IGF1R: variants seen among roughly 807,000 people sequenced by gnomAD.
IGF1R encodes the protein insulin like growth factor 1 receptor.
A neutral mutation model predicts 144.6 loss-of-function variants in IGF1R; 44 were observed. The observed-to-expected ratio is 0.30, with a 90% CI of 0.24 to 0.39. The LOEUF is 0.39. IGF1R is among the 10% of genes least tolerant of loss of function. IGF1R has a pLI of 1.00. For missense variants in IGF1R, 1,355 were observed against 1,833.7 expected, an observed-to-expected ratio of 0.74 and a Z score of 4.77; for synonymous variants, 795 against 722.8, an observed-to-expected ratio of 1.10 and a Z score of -1.60.
At chr15:98,809,787 CT>C (rs2056545693) in intron 2 of IGF1R, among the ~76,000 whole-genome samples, 1 of 152,122 alleles carries the variant, frequency 6.6e-6, no homozygotes. Flanking sequence ...GACACAGCTG[CT>C]TTGGAGGAAC....
intron 2 of IGF1R, among the ~76,000 whole-genome samples, chr15:98,862,921 C>T (rs777797725): frequency 1.3e-5 from 2 of 152,164 alleles, no homozygotes; most frequent in Non-Finnish European, 1.5e-5. Flanking sequence ...AACCGTAATA[C>T]GGTTATCAAA....
chr15:98,933,196 G>A (rs111688543), intron 15 of IGF1R, among the ~76,000 whole-genome samples: 3 of 152,330 alleles, frequency 2.0e-5, no homozygotes, highest in Non-Finnish European at 4.4e-5. Context: ...GGATCTTATG[G>A]AACAGGTTGA....
At chr15:98,682,652 A>G (rs536448668) in intron 1 of IGF1R, among the ~76,000 whole-genome samples, 95 of 152,128 alleles carry the variant, frequency 6.2e-4, no homozygotes, top group South Asian at 3.7e-3. Flanking sequence ...AGTTCCAGCA[A>G]TTCTCCTGCC....
intron 2 of IGF1R, among the ~76,000 whole-genome samples, chr15:98,890,921 G>A (rs943989100): frequency 6.6e-6 from 1 of 152,232 alleles, no homozygotes; most frequent in Non-Finnish European, 1.5e-5. Context: ...AAAGTGAGCA[G>A]AGCACAATGC....
intron 1 of IGF1R, among the ~76,000 whole-genome samples, chr15:98,649,912 C>T (rs2141155931): frequency 1.3e-5 from 2 of 152,292 alleles, no homozygotes; most frequent in East Asian, 1.9e-4. Flanking sequence ...GCGGGAAGGG[C>T]TTTTCTCTTT....
chr15:98,719,129 A>G (rs2054188910), intron 2 of IGF1R, among the ~76,000 whole-genome samples: 1 of 152,222 alleles, frequency 6.6e-6, no homozygotes, highest in Admixed American at 6.5e-5. Flanking sequence ...ATACGTCGAT[A>G]CTACTTTTAG....
intron 1 of IGF1R, among the ~76,000 whole-genome samples, chr15:98,662,567 T>C (rs1165110251): frequency 6.6e-6 from 1 of 151,944 alleles, no homozygotes; most frequent in Non-Finnish European, 1.5e-5. Flanking sequence ...TGAAAGAATA[T>C]GATTTTTTTT....
intron 1 of IGF1R, among the ~76,000 whole-genome samples, chr15:98,658,060 A>G (rs891851005): frequency 6.6e-6 from 1 of 152,180 alleles, no homozygotes; most frequent in Non-Finnish European, 1.5e-5. Flanking sequence ...GATCAAGTCC[A>G]GGGTCCTTAG....
intron 13 of IGF1R, among the ~76,000 whole-genome samples, chr15:98,925,956 C>A (rs1295560510): frequency 6.6e-6 from 1 of 152,156 alleles, no homozygotes; most frequent in African/African-American, 2.4e-5. Context: ...CCAGCAATCT[C>A]ACTTCTAGTA....
chr15:98,945,019 C>T (rs557716837), intron 19 of IGF1R, among the ~76,000 whole-genome samples: 7 of 152,330 alleles, frequency 4.6e-5, no homozygotes, highest in African/African-American at 1.4e-4. Flanking sequence ...TGCTGTCTTC[C>T]AGGACTTCAT....
In IGF1R at chr15:98,959,785, C is replaced by T. The variant is rs182632804; in HGVS notation, c.*2343C>T. ...TTCAACACAGAAAAGAAAGTTTATA[C>T]GGCTTTTTTGCTGGTCAGCAGTTTG... On this transcript the variant is annotated 3_prime_UTR_variant, in exon 21 of 21. Transcript: ENST00000650285. 91 of 232,716 alleles carry T rather than the reference C, an allele frequency of 3.9e-4. 1 individual carries two copies. In the East Asian group the frequency reaches 4.1e-3, roughly 11 times the overall value. The allele number at this position is 232,716 out of a possible 1,614,324, so 14.4% of individuals were successfully genotyped here.
intron 18 of IGF1R, among the ~76,000 whole-genome samples, chr15:98,941,381 C>T (rs754767845): frequency 5.9e-5 from 9 of 152,172 alleles, no homozygotes; most frequent in Non-Finnish European, 1.3e-4. Context: ...TGCCAATTGC[C>T]ATTTTAAATC....
chr15:98,788,056 C>CTGTG (rs1218256852), intron 2 of IGF1R, among the ~76,000 whole-genome samples: 423 of 106,430 alleles, frequency 4.0e-3, no homozygotes, highest in Middle Eastern at 9.2e-3. Flanking sequence ...CTCTCTCTCT[C>CTGTG]TCTCTCTGTG....
chr15:98,768,583 C>T (rs1258068430), intron 2 of IGF1R, among the ~76,000 whole-genome samples: 1 of 144,976 alleles, frequency 6.9e-6, no homozygotes, highest in African/African-American at 2.6e-5. Flanking sequence ...CCACTGCACT[C>T]CAGCCTGGGT....
chr15:98,681,039 G>A (rs116206490), intron 1 of IGF1R, among the ~76,000 whole-genome samples: 3 of 152,218 alleles, frequency 2.0e-5, no homozygotes, highest in Middle Eastern at 6.8e-3. Flanking sequence ...ATACTGTATA[G>A]CCTAGGTGTG....
At chr15:98,920,748 A>T (rs1364621849) in intron 10 of IGF1R, among the ~76,000 whole-genome samples, 2 of 152,052 alleles carry the variant, frequency 1.3e-5, no homozygotes, top group Non-Finnish European at 2.9e-5. Context: ...TGGAACGAGC[A>T]TATCTGTGTT....
chr15:98,861,821 A>G (rs1215918490), intron 2 of IGF1R, among the ~76,000 whole-genome samples: 1 of 152,230 alleles, frequency 6.6e-6, no homozygotes, highest in East Asian at 1.9e-4. Context: ...TACTGCCTAA[A>G]TAGGGCACAT....
At chr15:98,754,529 C>T (rs1173636099) in intron 2 of IGF1R, among the ~76,000 whole-genome samples, 1 of 152,156 alleles carries the variant, frequency 6.6e-6, no homozygotes, top group Non-Finnish European at 1.5e-5. Context: ...TTCAGCTCAC[C>T]TTTGACTCAC....
chr15:98,777,189 A>G (rs1161777691), intron 2 of IGF1R, among the ~76,000 whole-genome samples: 1 of 152,178 alleles, frequency 6.6e-6, no homozygotes, highest in Non-Finnish European at 1.5e-5. Flanking sequence ...AGCACGCTCA[A>G]TTTGCTGATC....
Sources: allele counts gnomAD v4.1 joint callset (sites outside exome capture counted in the v4.1 genomes callset), GRCh38; gene constraint gnomAD v4.1.1; transcripts MANE v1.5; gene names NCBI Gene and HGNC (gene_info 2026-07-23, HGNC 2026-07-21).